The following ERI3 variants were observed in gnomAD, a reference collection of about 807,000 sequenced individuals.
The protein encoded by ERI3 is ERI1 exoribonuclease family member 3.
Under a neutral mutation model 44.4 loss-of-function variants are expected in ERI3, and 18 were observed. The observed-to-expected ratio is 0.41, with a 90% CI of 0.28 to 0.60. The LOEUF (loss-of-function observed/expected upper bound fraction) is 0.60. Ranked by LOEUF, ERI3 falls within the 20% of genes least tolerant of loss-of-function variation. The pLI, the probability that ERI3 is intolerant of heterozygous loss-of-function variation, is 0.36. For synonymous variants in ERI3, 183 were observed against 164.8 expected (o/e 1.11, Z -0.84); for missense variants, 294 against 435.5 (o/e 0.68, Z 2.89).
At chr1:44,287,984 G>C (rs1645429485) in intron 6 of ERI3, among the ~76,000 whole-genome samples, 1 of 152,176 alleles carries the variant, frequency 6.6e-6, no homozygotes, top group Non-Finnish European at 1.5e-5. Context: ...GAGTCCTTTT[G>C]GCTCTGGCTA....
chr1:44,353,002 T>G (rs574286587), intron 1 of ERI3, 77 bp from the exon 2 acceptor site: 1 of 1,594,328 alleles, frequency 6.3e-7, no homozygotes, highest in East Asian at 2.3e-5. Flanking sequence ...ATACTACACC[T>G]CAAACTCTAA....
intron 5 of ERI3, among the ~76,000 whole-genome samples, chr1:44,311,924 T>C (rs991946170): frequency 6.6e-6 from 1 of 152,070 alleles, no homozygotes; most frequent in Non-Finnish European, 1.5e-5. Flanking sequence ...ATGGTCAATA[T>C]GGCTGGGAAG....
rs1443403490 is a variant in ERI3 at position 44,252,131 on chromosome 1, T to C, written c.832-4093A>G. On this transcript the variant is annotated intron_variant, in intron 7 of 8. Coordinates refer to ENST00000372257, the MANE Select transcript of ERI3 (RefSeq NM_024066.3). The surrounding 1 kb of genome is among the most constrained non-coding windows in gnomAD (Gnocchi z 4.7). ...ACAGAGGGTGGGGCAGGTAGGAAGA[T>C]GACTGAGGTGCTCCTGAGTCCTGTC... Among the ~76,000 whole-genome samples the C allele has an allele frequency of 2.0e-5, 3 of 152,228 alleles. No homozygotes were observed. Among genetic ancestry groups the C allele is most frequent in the African/African-American group, 4.8e-5 (2 of 41,456 alleles).
rs75585679 is a variant in ERI3 at position 44,280,781 on chromosome 1, C to T, written c.831+4054G>A. ...TATATTTAATACCCTTTAACAGCTT[C>T]CTCTTACCCTAAACATCAAGGTCAA... On this transcript the variant is annotated intron_variant, in intron 7 of 8. Coordinates refer to ENST00000372257, the MANE Select transcript of ERI3 (RefSeq NM_024066.3). Among the ~76,000 whole-genome samples, 20 of 152,328 alleles carry T rather than the reference C, an allele frequency of 1.3e-4. No homozygotes were observed. In the East Asian group the frequency reaches 3.9e-3, roughly 29 times the overall value.
At chr1:44,308,085 C>A (rs1645878080) in intron 6 of ERI3, among the ~76,000 whole-genome samples, 1 of 152,212 alleles carries the variant, frequency 6.6e-6, no homozygotes, top group Non-Finnish European at 1.5e-5. Context: ...TGAGACCTGG[C>A]AAAGGCAGGA....
At position 44,228,347 on chromosome 1, in the gene ERI3, G is replaced by A. The variant is rs1572055953; in HGVS notation, c.932-6707C>T. Among the ~76,000 whole-genome samples the A allele has an allele frequency of 6.6e-6, 1 of 152,184 alleles. No homozygotes were observed. Among genetic ancestry groups the A allele is most frequent in the African/African-American group, 2.4e-5 (1 of 41,446 alleles). On this transcript the variant is annotated intron_variant, in intron 8 of 8. Transcript: ENST00000372257. The surrounding 1 kb of genome is among the most constrained non-coding windows in gnomAD (Gnocchi z 4.3). Reference sequence around the variant, plus strand: ...GGCAATTTCATCTTGATTAGCAGGCGATTTCTCTCACCGTAATAAGCGCGC... The same window carrying A: ...GGCAATTTCATCTTGATTAGCAGGCAATTTCTCTCACCGTAATAAGCGCGC...
chr1:44,303,793 T>C (rs1430021711), intron 6 of ERI3, among the ~76,000 whole-genome samples: 1 of 152,150 alleles, frequency 6.6e-6, no homozygotes, highest in African/African-American at 2.4e-5. Flanking sequence ...TGAAAGGTAT[T>C]AAGCCGAGGG....
chr1:44,317,031 G>C (rs1646101829), intron 4 of ERI3, among the ~76,000 whole-genome samples: 1 of 152,174 alleles, frequency 6.6e-6, no homozygotes, highest in African/African-American at 2.4e-5. Flanking sequence ...GTCTCTCTGT[G>C]TGTGCTAGAG....
At chr1:44,354,751 A>AT in intron 1 of ERI3, 141 bp downstream of exon 1, 1 of 1,248,408 alleles carries the variant, frequency 8.0e-7, no homozygotes, top group Non-Finnish European at 1.0e-6. Flanking sequence ...CCGCCAGAAC[A>AT]TTACTCAGTA....
chr1:44,250,894 G>T (rs1388801686), intron 7 of ERI3, among the ~76,000 whole-genome samples: 1 of 152,202 alleles, frequency 6.6e-6, no homozygotes, highest in Non-Finnish European at 1.5e-5. Flanking sequence ...CTCTCCCTCA[G>T]CCTGGGCTCT....
intron 3 of ERI3, among the ~76,000 whole-genome samples, chr1:44,321,047 T>C (rs1646191420): frequency 6.6e-6 from 1 of 152,198 alleles, no homozygotes; most frequent in Non-Finnish European, 1.5e-5. Context: ...ACGAAACGGA[T>C]GACACCTGAC....
chr1:44,272,146 G>A (rs769610522), intron 7 of ERI3, among the ~76,000 whole-genome samples: 3 of 152,102 alleles, frequency 2.0e-5, no homozygotes, highest in Non-Finnish European at 4.4e-5. Flanking sequence ...TCTAGAAGGT[G>A]GATATGATTT....
At chr1:44,223,924 C>T (rs1439865870) in intron 8 of ERI3, among the ~76,000 whole-genome samples, 1 of 152,224 alleles carries the variant, frequency 6.6e-6, no homozygotes, top group African/African-American at 2.4e-5. Flanking sequence ...TATTCCTGAA[C>T]ATCTCTTTCT....
chr1:44,346,388 G>A (rs1242090331), intron 2 of ERI3, among the ~76,000 whole-genome samples: 2 of 152,218 alleles, frequency 1.3e-5, no homozygotes, highest in Non-Finnish European at 2.9e-5. Context: ...AGAGGCAATT[G>A]TTTGTGATTT....
intron 3 of ERI3, chr1:44,323,157 G>C: frequency 3.5e-6 from 1 of 283,742 alleles, no homozygotes. Flanking sequence ...CCTAATAATA[G>C]CTTTACAATT....
chr1:44,323,007 T>C, intron 3 of ERI3: 1 of 1,215,076 alleles, frequency 8.2e-7, no homozygotes, highest in Admixed American at 3.5e-5. Flanking sequence ...AATGAAACTG[T>C]TATTCCTGAC....
intron 2 of ERI3, among the ~76,000 whole-genome samples, chr1:44,350,514 G>A (rs959951925): frequency 2.2e-4 from 34 of 151,976 alleles, no homozygotes; most frequent in African/African-American, 8.0e-4. Context: ...CACCCACCTC[G>A]GCCTCCCAAA....
At chr1:44,341,794 G>C (rs1646659799) in intron 2 of ERI3, among the ~76,000 whole-genome samples, 1 of 152,192 alleles carries the variant, frequency 6.6e-6, no homozygotes, top group African/African-American at 2.4e-5. Context: ...GTAGGCTGAA[G>C]TAGGAAGATC....
rs567341288 is a variant in ERI3 at position 44,290,116 on chromosome 1, T to C, written c.759-5209A>G. On this transcript the variant is annotated intron_variant, in intron 6 of 8. Coordinates refer to ENST00000372257, the MANE Select transcript of ERI3 (RefSeq NM_024066.3). ...ACTCTGGAGGCCTCCTTGGCTCCTT[T>C]CTCCCTCTCAAGAAAGGCTGTGGGA... 3.3e-5 allele frequency among the ~76,000 whole-genome samples: 5 copies of C among 152,324 alleles called. No homozygotes were observed. In the South Asian group the frequency reaches 8.3e-4, roughly 25 times the overall value.
Sources: allele counts gnomAD v4.1 joint callset (sites outside exome capture counted in the v4.1 genomes callset), GRCh38; gene constraint gnomAD v4.1.1; non-coding constraint Gnocchi (gnomAD v3.1); transcripts MANE v1.5; gene names NCBI Gene and HGNC (gene_info 2026-07-23, HGNC 2026-07-21).